TBC1D1: variants seen among roughly 807,000 people sequenced by gnomAD.
The protein encoded by TBC1D1 is TBC1 (tre-2/USP6, BUB2, cdc16) domain family, member 1.
A neutral mutation model predicts 125.6 loss-of-function variants in TBC1D1; 89 were observed. The ratio of observed to expected loss-of-function variants is 0.71; its 90% CI spans 0.60 to 0.85. The LOEUF is 0.85. Among genes scored for constraint, TBC1D1 ranks in the 40% least tolerant of loss-of-function variants. The pLI is 0.00. For synonymous variants in TBC1D1, 565 were observed against 564.1 expected (o/e 1.00, Z -0.02); for missense variants, 1,377 against 1,469.2 (o/e 0.94, Z 1.03).
chr4:37,993,991 G>A (rs1737225410), intron 2 of TBC1D1, among the ~76,000 whole-genome samples: 1 of 152,218 alleles, frequency 6.6e-6, no homozygotes, highest in Non-Finnish European at 1.5e-5. Context: ...TTCCCTGATT[G>A]TAAAATATCT....
chr4:37,965,030 G>T lies in TBC1D1; in HGVS notation c.418-49479G>T, dbSNP rs1730809705. 1.3e-5 allele frequency among the ~76,000 whole-genome samples: 2 copies of T among 152,240 alleles called. 1 individual carries two copies. Among genetic ancestry groups the T allele is most frequent in the South Asian group, 4.1e-4 (2 of 4,836 alleles). Reference sequence around the variant, plus strand: ...CTGCTTGGAGGGATGCTGACAGGTGGTCTACGCAGACACTGCTCCACTGTG... The same window carrying T: ...CTGCTTGGAGGGATGCTGACAGGTGTTCTACGCAGACACTGCTCCACTGTG... On this transcript the variant is annotated intron_variant, in intron 2 of 19. Coordinates refer to ENST00000261439, the MANE Select transcript of TBC1D1 (RefSeq NM_015173.4).
At position 38,104,763 on chromosome 4, in the gene TBC1D1, T is replaced by A. The variant is rs76917293; in HGVS notation, c.2557+1606T>A. Among the ~76,000 whole-genome samples, 16 of 144,428 alleles carry A rather than the reference T, an allele frequency of 1.1e-4. No individual in the cohort carries two copies. The South Asian group carries it at 2.0e-3, about 18-fold the overall frequency. 94.8% of individuals were successfully genotyped at this position (144,428 alleles called of 152,430 possible). ...CCCTTAAGGTTATTTTTTTTTTTAA[T>A]TTTTTTTTTTGAGACGGTGTCTCGC... On this transcript the variant is annotated intron_variant, in intron 15 of 19. Coordinates refer to ENST00000261439, the MANE Select transcript of TBC1D1 (RefSeq NM_015173.4).
At chr4:38,058,371 G>C (rs1752135075) in intron 12 of TBC1D1, among the ~76,000 whole-genome samples, 1 of 152,210 alleles carries the variant, frequency 6.6e-6, no homozygotes, top group Non-Finnish European at 1.5e-5. Flanking sequence ...AGAGCTCTGA[G>C]GTTTCTTTCC....
At chr4:38,114,042 T>TACACAC (rs60869418) in intron 15 of TBC1D1, among the ~76,000 whole-genome samples, 37 of 144,146 alleles carry the variant, frequency 2.6e-4, no homozygotes, top group African/African-American at 7.6e-4. Flanking sequence ...CCCATTGTTC[T>TACACAC]ACACACACAC....
intron 1 of TBC1D1, among the ~76,000 whole-genome samples, chr4:37,898,729 C>T (rs1280233355): frequency 6.6e-6 from 1 of 152,130 alleles, no homozygotes; most frequent in African/African-American, 2.4e-5. Flanking sequence ...ACCCAGGAGT[C>T]TCATGTTTTC....
chr4:38,052,167 C>CTGTGTGTGTGTG lies in TBC1D1; in HGVS notation c.1911-2015_1911-2004dup, dbSNP rs58659939. On this transcript the variant is annotated intron_variant, in intron 11 of 19. Transcript: ENST00000261439. ...AATGTCCATGCAGGAAGCAGAGCCA[C>CTGTGTGTGTGTG]TGTGTGTGTGTGTGTGTGTGTGTGT... 6,069 of 735,516 alleles carry CTGTGTGTGTGTG rather than the reference C, an allele frequency of 8.3e-3. 28 individuals carry two copies. Among genetic ancestry groups the CTGTGTGTGTGTG allele is most frequent in the African/African-American group, 0.015 (815 of 54,460 alleles). The allele number at this position is 735,516 out of a possible 1,614,324, so 45.6% of individuals were successfully genotyped here. A position where few individuals can be genotyped will look rare whatever the true frequency, so the allele number is the denominator to read the frequency against.
intron 17 of TBC1D1, among the ~76,000 whole-genome samples, chr4:38,123,835 C>T (rs1764232272): frequency 6.6e-6 from 1 of 152,346 alleles, no homozygotes; most frequent in Admixed American, 6.5e-5. Context: ...TCTGTCATCT[C>T]TGCCTGTGCT....
At chr4:37,942,197 C>T (rs2152306403) in intron 2 of TBC1D1, among the ~76,000 whole-genome samples, 1 of 152,306 alleles carries the variant, frequency 6.6e-6, no homozygotes, top group Non-Finnish European at 1.5e-5. Context: ...CTTTATGAAT[C>T]TGGGTGCTCC....
At chr4:38,063,456 C>T (rs944480916) in intron 12 of TBC1D1, among the ~76,000 whole-genome samples, 6 of 133,890 alleles carry the variant, frequency 4.5e-5, no homozygotes, top group African/African-American at 1.7e-4. Flanking sequence ...TGGATCAGCT[C>T]TGAGGAGGGA....
At chr4:38,082,629 A>G (rs1334657228) in intron 12 of TBC1D1, among the ~76,000 whole-genome samples, 2 of 152,298 alleles carry the variant, frequency 1.3e-5, no homozygotes, top group East Asian at 3.9e-4. Flanking sequence ...TCCTGTCTAC[A>G]GCTTTTTCTT....
chr4:37,996,992 T>C (rs1737946238), intron 2 of TBC1D1, among the ~76,000 whole-genome samples: 1 of 152,256 alleles, frequency 6.6e-6, no homozygotes, highest in Non-Finnish European at 1.5e-5. Flanking sequence ...ATTTGAGGCA[T>C]AGCCTATACT....
intron 12 of TBC1D1, among the ~76,000 whole-genome samples, chr4:38,065,753 C>G (rs1338279167): frequency 2.0e-5 from 3 of 148,626 alleles, no homozygotes; most frequent in Non-Finnish European, 4.4e-5. Flanking sequence ...TCAAGCTATT[C>G]TCATGCTTCA....
intron 13 of TBC1D1, among the ~76,000 whole-genome samples, chr4:38,090,717 CAA>C (rs908874491): frequency 6.6e-5 from 10 of 152,144 alleles, no homozygotes; most frequent in African/African-American, 2.4e-4. Flanking sequence ...GCTTAAGATG[CAA>C]AGTTTACATA....
chr4:38,039,104 C>CTTTTTTTTTTTTTTTTTTTTTTTTTTTT (rs776941680), intron 8 of TBC1D1, among the ~76,000 whole-genome samples: 1 of 51,540 alleles, frequency 1.9e-5, no homozygotes. Flanking sequence ...GCATCATACT[C>CTTTTTTTTTTTTTTTTTTTTTTTTTTTT]TTTTTTTTTT....
intron 15 of TBC1D1, among the ~76,000 whole-genome samples, chr4:38,113,112 A>T (rs1400952061): frequency 6.6e-6 from 1 of 152,184 alleles, no homozygotes; most frequent in East Asian, 1.9e-4. Context: ...CCTCCCCCTA[A>T]ATTGGTACAT....
At chr4:37,953,596 G>A (rs1728320301) in intron 2 of TBC1D1, among the ~76,000 whole-genome samples, 1 of 152,182 alleles carries the variant, frequency 6.6e-6, no homozygotes, top group Non-Finnish European at 1.5e-5. Context: ...ACTTGAATAA[G>A]AGACAGGAGA....
At chr4:37,908,341 G>T (rs748982962) in intron 2 of TBC1D1, among the ~76,000 whole-genome samples, 5 of 152,130 alleles carry the variant, frequency 3.3e-5, no homozygotes, top group Non-Finnish European at 7.4e-5. Flanking sequence ...GAGTAGCTGG[G>T]ATTACAGGCG....
chr4:37,977,509 T>C lies in TBC1D1; in HGVS notation c.418-37000T>C. 1.0e-6 allele frequency: 1 copy of C among 992,818 alleles called. No individual in the cohort carries two copies. Among genetic ancestry groups the C allele is most frequent in the Non-Finnish European group, 1.2e-6 (1 of 826,896 alleles). 61.5% of individuals were successfully genotyped at this position (992,818 alleles called of 1,614,324 possible). A position where few individuals can be genotyped will look rare whatever the true frequency, so the allele number is the denominator to read the frequency against. On this transcript the variant is annotated intron_variant, in intron 2 of 19. Transcript: ENST00000261439. The surrounding 1 kb of genome is among the most constrained non-coding windows in gnomAD (Gnocchi z 4.3). The stretch of plus-strand genomic sequence containing the variant: ...CGCCGCCCGGCCCGCGATGTCACCA[T>C]TGTTCAGCTGGGTGGCCAAGGTAGG...
At chr4:38,116,126 C>G (rs905672747) in intron 16 of TBC1D1, among the ~76,000 whole-genome samples, 172 bp downstream of exon 18, 1 of 69,050 alleles carries the variant, frequency 1.4e-5, no homozygotes, top group African/African-American at 6.9e-5. Context: ...CTGCACTTCC[C>G]TCTAAGGAAG....
Sources: allele counts gnomAD v4.1 joint callset (sites outside exome capture counted in the v4.1 genomes callset), GRCh38; gene constraint gnomAD v4.1.1; non-coding constraint Gnocchi (gnomAD v3.1); transcripts MANE v1.5; gene names NCBI Gene and HGNC (gene_info 2026-07-23, HGNC 2026-07-21).